Variants in SLC24A2 observed in about 807,000 individuals in gnomAD.
SLC24A2 encodes solute carrier family 24 member 2.
A neutral mutation model predicts 62.0 loss-of-function variants in SLC24A2; 36 were observed. The ratio of observed to expected loss-of-function variants is 0.58; its 90% CI spans 0.44 to 0.77. The LOEUF (loss-of-function observed/expected upper bound fraction) is 0.77, where lower values mean the gene tolerates loss of function less well. Ranked by LOEUF, SLC24A2 falls within the 30% of genes least tolerant of loss-of-function variation. The probability of loss-of-function intolerance (pLI) is 0.00; values close to 1 mark genes in which losing one functional copy is unlikely to be tolerated. For synonymous variants in SLC24A2, 358 were observed against 294.0 expected (o/e 1.22, Z -2.23); for missense variants, 846 against 817.9 (o/e 1.03, Z -0.42).
chr9:20,011,829 A>C, the SLC24A2 span, among the ~76,000 whole-genome samples: 1 of 152,258 alleles, frequency 6.6e-6, no homozygotes, highest in African/African-American at 2.4e-5. Flanking sequence ...ACACGTCAAA[A>C]GAATCATTTA....
chr9:19,517,963 A>C (rs1404759523), intron 10 of SLC24A2, among the ~76,000 whole-genome samples: 1 of 150,078 alleles, frequency 6.7e-6, no homozygotes, highest in African/African-American at 2.5e-5. Context: ...ACACACTCTC[A>C]CACTTCTAGT....
At chr9:19,737,660 T>TA (rs1166405604) in intron 2 of SLC24A2, among the ~76,000 whole-genome samples, 2 of 152,046 alleles carry the variant, frequency 1.3e-5, no homozygotes, top group East Asian at 3.8e-4. Flanking sequence ...ATCAAAAAAT[T>TA]ATTTTTTCAG....
chr9:20,135,298 C>T, the SLC24A2 span, among the ~76,000 whole-genome samples: 1 of 146,946 alleles, frequency 6.8e-6, no homozygotes, highest in African/African-American at 2.5e-5. Context: ...TTTTTAATTA[C>T]AATTTAAAAT....
the SLC24A2 span, among the ~76,000 whole-genome samples, chr9:20,219,510 G>T: frequency 6.6e-6 from 1 of 152,120 alleles, no homozygotes; most frequent in Non-Finnish European, 1.5e-5. Flanking sequence ...CGGTTGAATG[G>T]ACCCATTCTG....
At chr9:19,994,798 G>T in the SLC24A2 span, among the ~76,000 whole-genome samples, 1 of 152,176 alleles carries the variant, frequency 6.6e-6, no homozygotes, top group African/African-American at 2.4e-5. Flanking sequence ...CCTTTAGTCT[G>T]CCCTAGAACC....
chr9:20,018,704 T>C, the SLC24A2 span, among the ~76,000 whole-genome samples: 6 of 152,268 alleles, frequency 3.9e-5, no homozygotes, highest in East Asian at 1.2e-3. Flanking sequence ...CTATGTAAAT[T>C]CAGTCAGTTC....
chr9:19,589,703 A>G (rs1279826638), intron 5 of SLC24A2, among the ~76,000 whole-genome samples: 1 of 152,168 alleles, frequency 6.6e-6, no homozygotes, highest in East Asian at 1.9e-4. Flanking sequence ...AGATCAAATA[A>G]TATACAAGCC....
chr9:19,682,816 G>A (rs1235054819), intron 2 of SLC24A2, among the ~76,000 whole-genome samples: 2 of 152,006 alleles, frequency 1.3e-5, no homozygotes, highest in Non-Finnish European at 2.9e-5. Flanking sequence ...TATGGAAGAG[G>A]TGGAAAATTT....
the SLC24A2 span, among the ~76,000 whole-genome samples, chr9:20,174,894 T>C: frequency 2.0e-5 from 3 of 151,824 alleles, no homozygotes; most frequent in African/African-American, 7.3e-5. Flanking sequence ...AAAAGATACT[T>C]GCACACACAT....
intron 2 of SLC24A2, among the ~76,000 whole-genome samples, chr9:19,699,412 T>G (rs1264448438): frequency 6.6e-6 from 1 of 152,182 alleles, no homozygotes; most frequent in Non-Finnish European, 1.5e-5. Flanking sequence ...GATACCAAAG[T>G]TGCAGCATTA....
chr9:19,874,720 T>C, the SLC24A2 span, among the ~76,000 whole-genome samples: 1 of 152,212 alleles, frequency 6.6e-6, no homozygotes, highest in Admixed American at 6.5e-5. Context: ...ACTACATCAT[T>C]TCATTTGTCC....
chr9:19,918,016 G>A, the SLC24A2 span, among the ~76,000 whole-genome samples: 1 of 152,034 alleles, frequency 6.6e-6, no homozygotes, highest in East Asian at 1.9e-4. Context: ...TATTAAGGAA[G>A]CATCCTTCTA....
the SLC24A2 span, among the ~76,000 whole-genome samples, chr9:20,036,496 C>T: frequency 6.6e-5 from 10 of 152,190 alleles, no homozygotes; most frequent in African/African-American, 2.4e-4. Context: ...CATTCCCCCC[C>T]ACTACCCAGT....
intron 5 of SLC24A2, 105 bp from the exon 6 acceptor site, chr9:19,577,127 A>C: frequency 1.1e-6 from 1 of 871,834 alleles, no homozygotes. Context: ...TAATAGCGTG[A>C]CCACTCCATT....
At chr9:20,057,200 C>T in the SLC24A2 span, among the ~76,000 whole-genome samples, 2 of 152,204 alleles carry the variant, frequency 1.3e-5, no homozygotes, top group African/African-American at 4.8e-5. Flanking sequence ...ACTACTCATG[C>T]TATCCCTATA....
the SLC24A2 span, among the ~76,000 whole-genome samples, chr9:20,193,584 G>C: frequency 6.6e-6 from 1 of 151,948 alleles, no homozygotes; most frequent in Non-Finnish European, 1.5e-5. Context: ...TAATATATAA[G>C]CAAATGTCTA....
At chr9:19,919,249 T>A in the SLC24A2 span, among the ~76,000 whole-genome samples, 1 of 152,098 alleles carries the variant, frequency 6.6e-6, no homozygotes, top group Non-Finnish European at 1.5e-5. Flanking sequence ...GGCCCAGAGA[T>A]GCACTTAGAG....
intron 8 of SLC24A2, among the ~76,000 whole-genome samples, chr9:19,547,437 C>G (rs1834636846): frequency 6.6e-6 from 1 of 152,176 alleles, no homozygotes; most frequent in South Asian, 2.1e-4. Context: ...TGTCATGACC[C>G]ACGTAACGAC....
At chr9:20,108,457 A>G in the SLC24A2 span, among the ~76,000 whole-genome samples, 1 of 152,214 alleles carries the variant, frequency 6.6e-6, no homozygotes, top group African/African-American at 2.4e-5. Flanking sequence ...CCAAATGTCC[A>G]ACAGTGATAG....
Sources: gnomAD v4.1 joint callset for allele counts (sites outside exome capture counted in the v4.1 genomes callset) on GRCh38, gnomAD v4.1.1 for gene constraint, MANE v1.5 for transcripts, NCBI Gene and HGNC (gene_info 2026-07-23, HGNC 2026-07-21) for gene names.